KIAA0319L: variants seen among roughly 807,000 people sequenced by gnomAD.
KIAA0319L encodes dyslexia-associated protein KIAA0319-like protein.
Under a neutral mutation model 120.1 loss-of-function variants are expected in KIAA0319L, and 55 were observed. That is an observed-to-expected ratio of 0.46 (90% CI 0.37 to 0.57). The LOEUF (loss-of-function observed/expected upper bound fraction) is 0.57, where lower values mean the gene tolerates loss of function less well. Among genes scored for constraint, KIAA0319L ranks in the 20% least tolerant of loss-of-function variants. KIAA0319L has a pLI of 0.00. For synonymous variants in KIAA0319L, 398 were observed against 471.9 expected, an observed-to-expected ratio of 0.84 and a Z score of 2.03; for missense variants, 1,049 against 1,255.3, an observed-to-expected ratio of 0.84 and a Z score of 2.48.
At position 35,449,937 on chromosome 1, in the gene KIAA0319L, AGTGTAG is replaced by A; in HGVS notation, c.2277_2282del (p.Tyr760_Thr761del). The A allele has an allele frequency of 6.2e-7, 1 of 1,614,110 alleles. No homozygotes were observed. The highest frequency in any genetic ancestry group is 8.5e-7 in the Non-Finnish European group (1 of 1,180,016). On this transcript the variant is annotated inframe_deletion, in exon 15 of 21. Coordinates refer to ENST00000325722, the MANE Select transcript of KIAA0319L (RefSeq NM_024874.5). ...TTGCATCGGTCACTTTCAGGTGAAA[AGTGTAG>A]GTTCCCTCAACCAGGTTTGAAAGAA...
At chr1:35,522,064 A>G (rs1645943446) in intron 2 of KIAA0319L, among the ~76,000 whole-genome samples, 1 of 152,222 alleles carries the variant, frequency 6.6e-6, no homozygotes, top group Admixed American at 6.5e-5. Context: ...TCTAACATAG[A>G]ATGATATCCA....
chr1:35,541,264 T>A (rs1273672913), intron 2 of KIAA0319L, among the ~76,000 whole-genome samples: 1 of 151,020 alleles, frequency 6.6e-6, no homozygotes, highest in Non-Finnish European at 1.5e-5. Context: ...TTCTAATGCC[T>A]AGGATAGCAG....
At chr1:35,473,921 A>G (rs1039692877) in intron 5 of KIAA0319L, among the ~76,000 whole-genome samples, 3 of 152,232 alleles carry the variant, frequency 2.0e-5, no homozygotes, top group Non-Finnish European at 4.4e-5. Context: ...AAATAGTGTT[A>G]AGAGAACCCA....
intron 2 of KIAA0319L, among the ~76,000 whole-genome samples, chr1:35,535,011 C>T (rs1646519847): frequency 6.8e-6 from 1 of 148,038 alleles, no homozygotes; most frequent in South Asian, 2.1e-4. Context: ...ACAGGAGAAT[C>T]GCTTGAACCC....
intron 2 of KIAA0319L, among the ~76,000 whole-genome samples, chr1:35,553,815 C>T (rs1647527127): frequency 6.6e-6 from 1 of 152,242 alleles, no homozygotes; most frequent in Non-Finnish European, 1.5e-5. Context: ...GTGAAATAAT[C>T]TCTAGGAGGA....
intron 2 of KIAA0319L, among the ~76,000 whole-genome samples, chr1:35,512,444 G>A (rs111376039): frequency 1.3e-5 from 2 of 150,496 alleles, no homozygotes; most frequent in South Asian, 2.1e-4. Flanking sequence ...AAGAGTAATC[G>A]AACAAAAAAC....
rs1640880909 is a variant in KIAA0319L at position 35,437,436 on chromosome 1, A to G, written c.2963-2355T>C. The stretch of plus-strand genomic sequence containing the variant: ...GTTCATGAGCCCTTCTCTGAGGAAG[A>G]GGAGGCCCTTGCCCTCTGCCTGCCA... On this transcript the variant is annotated intron_variant, in intron 20 of 20. Transcript: ENST00000325722. This position sits in a 1 kb window ranked among gnomAD's most constrained non-coding sequence, Gnocchi z 4.1. Among the ~76,000 whole-genome samples the G allele has an allele frequency of 6.6e-6, 1 of 152,178 alleles. No homozygotes were observed. The highest frequency in any genetic ancestry group is 2.1e-4 in the South Asian group (1 of 4,820).
intron 2 of KIAA0319L, chr1:35,511,009 T>C (rs1170361298): frequency 2.6e-5 from 4 of 152,134 alleles, no homozygotes; most frequent in African/African-American, 4.8e-5. Flanking sequence ...AAAAAGTACA[T>C]TGGTGTAATA....
chr1:35,518,419 G>A (rs1645770886), intron 2 of KIAA0319L, among the ~76,000 whole-genome samples: 1 of 152,112 alleles, frequency 6.6e-6, no homozygotes. Context: ...GCAGGAACAT[G>A]GATAGACCTG....
At chr1:35,520,523 A>C (rs535033696) in intron 2 of KIAA0319L, among the ~76,000 whole-genome samples, 7 of 152,216 alleles carry the variant, frequency 4.6e-5, no homozygotes, top group Admixed American at 1.3e-4. Flanking sequence ...CCTCCCAAAT[A>C]GCTGGGACTA....
chr1:35,494,215 G>A (rs551509099), intron 3 of KIAA0319L, among the ~76,000 whole-genome samples: 9 of 152,226 alleles, frequency 5.9e-5, no homozygotes, highest in East Asian at 1.9e-4. Flanking sequence ...TTGGGAGGCC[G>A]AGAAAGGTGG....
intron 2 of KIAA0319L, among the ~76,000 whole-genome samples, chr1:35,538,430 T>C (rs1171566622): frequency 6.6e-6 from 1 of 151,050 alleles, no homozygotes; most frequent in African/African-American, 2.4e-5. Context: ...ATCTCTACTA[T>C]AAATACAAAA....
At chr1:35,467,445 C>T (rs1643344740) in intron 6 of KIAA0319L, among the ~76,000 whole-genome samples, 1 of 152,080 alleles carries the variant, frequency 6.6e-6, no homozygotes, top group Admixed American at 6.6e-5. Context: ...CTCTTGACCA[C>T]ATATTAAAAT....
intron 11 of KIAA0319L, 49 bp downstream of exon 11, chr1:35,454,313 T>G: frequency 6.2e-7 from 1 of 1,606,520 alleles, no homozygotes; most frequent in Non-Finnish European, 8.5e-7. Flanking sequence ...CCCCCAAGGT[T>G]AAATGGACCC....
intron 12 of KIAA0319L, 87 bp from the exon 13 acceptor site, chr1:35,451,863 C>T (rs999009614): frequency 1.5e-6 from 2 of 1,353,354 alleles, no homozygotes; most frequent in African/African-American, 1.5e-5. Context: ...ATGACTCCCT[C>T]AGCAAAGACA....
chr1:35,444,896 T>C (rs1403210696), intron 16 of KIAA0319L, among the ~76,000 whole-genome samples: 1 of 152,216 alleles, frequency 6.6e-6, no homozygotes, highest in African/African-American at 2.4e-5. Flanking sequence ...ATGCCCAGAA[T>C]CTGTTTGCTG....
chr1:35,541,994 T>A (rs1390258481), intron 2 of KIAA0319L, among the ~76,000 whole-genome samples: 1 of 152,212 alleles, frequency 6.6e-6, no homozygotes, highest in African/African-American at 2.4e-5. Flanking sequence ...AATGGAGGCC[T>A]ACTTTCCCCA....
intron 2 of KIAA0319L, among the ~76,000 whole-genome samples, chr1:35,526,507 C>A (rs904302580): frequency 1.3e-5 from 2 of 148,644 alleles, no homozygotes; most frequent in Non-Finnish European, 3.0e-5. Flanking sequence ...GTGTAGTGGT[C>A]CAATCTTAGC....
chr1:35,522,805 C>T (rs1442650513), intron 2 of KIAA0319L, among the ~76,000 whole-genome samples: 1 of 151,334 alleles, frequency 6.6e-6, no homozygotes, highest in Non-Finnish European at 1.5e-5. Flanking sequence ...ATCATGAGGT[C>T]AGGAGATTGA....
Sources: allele counts gnomAD v4.1 joint callset (sites outside exome capture counted in the v4.1 genomes callset), GRCh38; gene constraint gnomAD v4.1.1; non-coding constraint Gnocchi (gnomAD v3.1); transcripts MANE v1.5; gene names NCBI Gene and HGNC (gene_info 2026-07-23, HGNC 2026-07-21).